RPP30: variants seen among roughly 807,000 people sequenced by gnomAD.
RPP30 encodes ribonuclease P/MRP subunit p30.
Under a neutral mutation model 38.6 loss-of-function variants are expected in RPP30, and 36 were observed. The ratio of observed to expected loss-of-function variants is 0.93; its 90% CI spans 0.71 to 1.23. RPP30 has a LOEUF of 1.23. RPP30 is among the 50% of genes most tolerant of loss of function. The pLI, the probability that RPP30 is intolerant of heterozygous loss-of-function variation, is 0.00. For synonymous variants in RPP30, 126 were observed against 112.7 expected, an observed-to-expected ratio of 1.12 and a Z score of -0.75; for missense variants, 321 against 321.7, an observed-to-expected ratio of 1.00 and a Z score of 0.02.
intron 5 of RPP30, 31 bp downstream of exon 5, chr10:90,879,165 G>A: frequency 6.5e-7 from 1 of 1,528,810 alleles, no homozygotes; most frequent in Non-Finnish European, 9.0e-7. Context: ...AGAAAGTAGT[G>A]TATATATGTT....
In RPP30 at chr10:90,895,320, T is replaced by C. The variant is rs1014315554; in HGVS notation, c.550-134T>C. 5.3e-6 allele frequency: 3 copies of C among 565,468 alleles called. No homozygotes were observed. In the African/African-American group the frequency reaches 6.1e-5, roughly 11 times the overall value. 35.0% of individuals were successfully genotyped at this position (565,468 alleles called of 1,614,324 possible). A position where few individuals can be genotyped will look rare whatever the true frequency, so the allele number is the denominator to read the frequency against. Reference sequence around the variant, plus strand: ...AGTCTTTTCATTTTTTTCACCTTAATTATTTACCTTATCTTTAAAAGAAGT... The same window carrying C: ...AGTCTTTTCATTTTTTTCACCTTAACTATTTACCTTATCTTTAAAAGAAGT... On this transcript the variant is annotated intron_variant, in intron 7 of 10. Transcript: ENST00000371703.
intron 6 of RPP30, among the ~76,000 whole-genome samples, chr10:90,890,288 A>G (rs1164975432): frequency 1.3e-5 from 2 of 152,224 alleles, no homozygotes; most frequent in Non-Finnish European, 2.9e-5. Flanking sequence ...GAGAAGAAGG[A>G]TGTTCTTAAA....
downstream of RPP30, chr10:90,902,322 A>G (rs1847213840): frequency 5.1e-6 from 2 of 389,968 alleles, no homozygotes; most frequent in African/African-American, 2.2e-5. Flanking sequence ...GGCTCAAGCC[A>G]TCCTCCCACC....
downstream of RPP30, among the ~76,000 whole-genome samples, chr10:90,906,234 G>A (rs1404217908): frequency 6.6e-6 from 1 of 152,206 alleles, no homozygotes; most frequent in African/African-American, 2.4e-5. Context: ...CTCAAGGATG[G>A]CTTCCTGGAG....
chr10:90,875,698 G>A (rs1846842462), intron 3 of RPP30, 84 bp downstream of exon 3: 1 of 1,164,308 alleles, frequency 8.6e-7, no homozygotes. Flanking sequence ...TCTAGCTTGA[G>A]CTGCACCTTA....
chr10:90,878,768 C>T (rs1846885862), intron 4 of RPP30, among the ~76,000 whole-genome samples: 1 of 152,198 alleles, frequency 6.6e-6, no homozygotes, highest in Non-Finnish European at 1.5e-5. Context: ...GCTGGGTTTA[C>T]AGGCATAAGC....
chr10:90,880,560 C>G (rs1370846963), intron 5 of RPP30, among the ~76,000 whole-genome samples: 3 of 151,894 alleles, frequency 2.0e-5, no homozygotes, highest in African/African-American at 7.3e-5. Context: ...AAACCCCATC[C>G]CTACTAAAAA....
chr10:90,892,377 T>C (rs1847091416), intron 6 of RPP30, among the ~76,000 whole-genome samples: 1 of 152,222 alleles, frequency 6.6e-6, no homozygotes, highest in Admixed American at 6.5e-5. Flanking sequence ...TTATTTTTAA[T>C]TTTTCTTTTT....
At chr10:90,873,833 G>A (rs1458385326) in intron 1 of RPP30, among the ~76,000 whole-genome samples, 1 of 151,982 alleles carries the variant, frequency 6.6e-6, no homozygotes, top group Non-Finnish European at 1.5e-5. Flanking sequence ...GTTTTTAAGG[G>A]TAACTTTCTT....
chr10:90,897,640 G>T (rs1455470704), intron 10 of RPP30, among the ~76,000 whole-genome samples: 7 of 152,154 alleles, frequency 4.6e-5, no homozygotes, highest in Admixed American at 4.6e-4. Context: ...TTGAGTAACA[G>T]TTGGGGTTCC....
In RPP30 at chr10:90,893,540, A is replaced by T. The variant is rs563024703; in HGVS notation, c.433-1235A>T. Among the ~76,000 whole-genome samples, 86 of 152,302 alleles carry T rather than the reference A, an allele frequency of 5.6e-4. 1 individual carries two copies. In the South Asian group the frequency reaches 0.018, roughly 32 times the overall value. On this transcript the variant is annotated intron_variant, in intron 6 of 10. Transcript: ENST00000371703. The stretch of plus-strand genomic sequence containing the variant: ...TCAGATGTTTTCTCCATTAGGAATA[A>T]TCCTCATCACCAGCTCTAAAGGCCT...
At chr10:90,880,533 G>A (rs1362174711) in intron 5 of RPP30, among the ~76,000 whole-genome samples, 1 of 152,192 alleles carries the variant, frequency 6.6e-6, no homozygotes, top group Non-Finnish European at 1.5e-5. Flanking sequence ...TTCAAGACCA[G>A]CCTGGCCAAT....
chr10:90,878,135 T>G (rs964220567), intron 4 of RPP30, among the ~76,000 whole-genome samples: 1 of 152,072 alleles, frequency 6.6e-6, no homozygotes. Flanking sequence ...GGTGGTTCCT[T>G]TTTGTCTCCT....
Position 90,874,888 on chromosome 10 carries a change from T to C in RPP30, c.102T>C (p.Ala34=), listed in dbSNP as rs777438815. Residue 34 remains alanine (A), a synonymous_variant, in exon 2 of 11, where the codon GCT becomes GCC. Coordinates refer to ENST00000371703, the MANE Select transcript of RPP30 (RefSeq NM_006413.5). ...TTTCAGTTGGCTATTCAGTTGTTGC[T>C]ATCAATCATATCGTTGACTTTAAGG... The part of the protein sequence containing the change: ...TAAHLGYSVV[A]INHIVDFKEK... 2 of 1,597,464 alleles carry C rather than the reference T, an allele frequency of 1.3e-6. No individual in the cohort carries two copies. The highest frequency in any genetic ancestry group is 1.7e-5 in the Admixed American group (1 of 58,758).
At chr10:90,882,106 CACAG>C (rs1212580185) in intron 5 of RPP30, among the ~76,000 whole-genome samples, 1 of 152,106 alleles carries the variant, frequency 6.6e-6, no homozygotes, top group Non-Finnish European at 1.5e-5. Context: ...TGGAATATGA[CACAG>C]AGAGAGAGTT....
At chr10:90,879,192 G>C in intron 5 of RPP30, 58 bp downstream of exon 5, 3 of 1,364,068 alleles carry the variant, frequency 2.2e-6, no homozygotes, top group Non-Finnish European at 3.1e-6. Flanking sequence ...GAAGTCTGAT[G>C]TTCTGACTTT....
At chr10:90,877,255 T>A (rs1846865043) in intron 4 of RPP30, among the ~76,000 whole-genome samples, 2 of 151,760 alleles carry the variant, frequency 1.3e-5, no homozygotes, top group African/African-American at 2.4e-5. Flanking sequence ...GAGGTTGCAG[T>A]GAGATCACAC....
chr10:90,874,166 T>C (rs1052147845), intron 1 of RPP30, among the ~76,000 whole-genome samples: 11 of 152,192 alleles, frequency 7.2e-5, no homozygotes, highest in Non-Finnish European at 4.4e-5. Flanking sequence ...TCATCCCCAT[T>C]GGTATTTTTA....
At chr10:90,890,361 A>G (rs971398047) in intron 6 of RPP30, among the ~76,000 whole-genome samples, 2 of 152,138 alleles carry the variant, frequency 1.3e-5, no homozygotes, top group Non-Finnish European at 2.9e-5. Flanking sequence ...TTTCAATGTT[A>G]TTGTCACTTA....
Sources: gnomAD v4.1 joint callset for allele counts (sites outside exome capture counted in the v4.1 genomes callset) on GRCh38, gnomAD v4.1.1 for gene constraint, MANE v1.5 for transcripts, NCBI Gene and HGNC (gene_info 2026-07-23, HGNC 2026-07-21) for gene names.